TCF12: variants seen among roughly 807,000 people sequenced by gnomAD.
TCF12 encodes DNA-binding protein HTF4.
A neutral mutation model predicts 86.0 loss-of-function variants in TCF12; 45 were observed. The observed-to-expected ratio is 0.52, with a 90% CI of 0.41 to 0.67. The LOEUF (loss-of-function observed/expected upper bound fraction) is 0.67. Ranked by LOEUF, TCF12 falls within the 30% of genes least tolerant of loss-of-function variation. TCF12 has a pLI of 0.00. For synonymous variants in TCF12, 330 were observed against 299.6 expected (o/e 1.10, Z -1.05); for missense variants, 881 against 859.9 (o/e 1.02, Z -0.31).
At chr15:57,143,777 G>C (rs1157640025) in intron 5 of TCF12, among the ~76,000 whole-genome samples, 1 of 152,162 alleles carries the variant, frequency 6.6e-6, no homozygotes, top group Non-Finnish European at 1.5e-5. Context: ...AAGAAAGAGA[G>C]GGAAAAGTCA....
At chr15:56,963,824 G>A (rs763776339) in intron 3 of TCF12, among the ~76,000 whole-genome samples, 5 of 152,216 alleles carry the variant, frequency 3.3e-5, no homozygotes, top group Non-Finnish European at 7.3e-5. Context: ...GTCTCAAGGA[G>A]GAATTGGGGA....
At chr15:56,983,278 G>T (rs781438530) in intron 3 of TCF12, among the ~76,000 whole-genome samples, 1 of 152,162 alleles carries the variant, frequency 6.6e-6, no homozygotes, top group Non-Finnish European at 1.5e-5. Context: ...ATTAGAGAGA[G>T]AAGTTAAAGA....
chr15:57,086,607 G>T (rs2048646452), intron 4 of TCF12, among the ~76,000 whole-genome samples: 1 of 151,338 alleles, frequency 6.6e-6, no homozygotes, highest in Non-Finnish European at 1.5e-5. Flanking sequence ...ACTGCTGTGG[G>T]AGCACAGAAT....
At chr15:57,185,292 A>G (rs1286193910) in intron 6 of TCF12, among the ~76,000 whole-genome samples, 1 of 152,192 alleles carries the variant, frequency 6.6e-6, no homozygotes, top group African/African-American at 2.4e-5. Context: ...TCATGCTCCA[A>G]CATTGTTGAA....
At chr15:56,955,557 TAAATAAATAA>T (rs1185703891) in intron 3 of TCF12, among the ~76,000 whole-genome samples, 6 of 149,762 alleles carry the variant, frequency 4.0e-5, no homozygotes, top group African/African-American at 1.5e-4. Context: ...ATAATAAAAA[TAAATAAATAA>T]AAATAAAAAA....
At chr15:57,249,787 C>A (rs2060023414) in intron 13 of TCF12, among the ~76,000 whole-genome samples, 1 of 152,102 alleles carries the variant, frequency 6.6e-6, no homozygotes, top group Non-Finnish European at 1.5e-5. Context: ...TAATATAATT[C>A]AAATTGTCAC....
rs568655389 is a variant in TCF12 at position 57,267,000 on chromosome 15, G to T, written c.1745+3726G>T. ...GCCATGATCATGCCACTGCATTCTA[G>T]CCTGGCTAACAGAGAGATGCTGTCT... On this transcript the variant is annotated intron_variant, in intron 18 of 20. Transcript: ENST00000333725. Among the ~76,000 whole-genome samples the T allele has an allele frequency of 2.0e-5, 3 of 152,276 alleles. No individual in the cohort carries two copies. In the East Asian group the frequency reaches 5.8e-4, roughly 29 times the overall value.
chr15:57,176,033 A>C (rs1465812249), intron 6 of TCF12, among the ~76,000 whole-genome samples: 1 of 152,096 alleles, frequency 6.6e-6, no homozygotes, highest in Non-Finnish European at 1.5e-5. Flanking sequence ...CTATTGTTTG[A>C]CTGAAATAAA....
intron 3 of TCF12, among the ~76,000 whole-genome samples, chr15:57,008,197 G>A (rs2064588710): frequency 6.6e-6 from 1 of 150,530 alleles, no homozygotes; most frequent in Admixed American, 6.7e-5. Flanking sequence ...TGTACTCCTG[G>A]CATCAAACAT....
intron 5 of TCF12, among the ~76,000 whole-genome samples, chr15:57,102,001 A>T (rs976754980): frequency 6.6e-6 from 1 of 152,256 alleles, no homozygotes; most frequent in Non-Finnish European, 1.5e-5. Context: ...GTGGTCCAGC[A>T]TACCAATATC....
intron 13 of TCF12, among the ~76,000 whole-genome samples, chr15:57,244,137 C>T (rs527483035): frequency 6.6e-6 from 1 of 152,064 alleles, no homozygotes; most frequent in East Asian, 1.9e-4. Context: ...CCTTGGCCCC[C>T]CAAAATGCTG....
intron 8 of TCF12, among the ~76,000 whole-genome samples, chr15:57,223,654 T>TTTGTTTTTTTTTTG (rs1248684058): frequency 0.027 from 3,473 of 129,974 alleles, 100 homozygotes; most frequent in Non-Finnish European, 0.041. Context: ...TTTTTTTTTT[T>TTTGTTTTTTTTTTG]TTTTTTTTTT....
At chr15:57,149,197 A>G (rs182344514) in intron 5 of TCF12, among the ~76,000 whole-genome samples, 2 of 152,354 alleles carry the variant, frequency 1.3e-5, no homozygotes, top group African/African-American at 4.8e-5. Flanking sequence ...AAATTTAATA[A>G]TAGCAATTTT....
chr15:57,192,292 T>C lies in TCF12; in HGVS notation c.525T>C (p.Leu175=), dbSNP rs376857404. The C allele has an allele frequency of 1.7e-5, 28 of 1,613,874 alleles. No individual in the cohort carries two copies. The highest frequency in any genetic ancestry group is 2.2e-5 in the Non-Finnish European group (26 of 1,179,952). ...RRRPLHDSAA[L]DPLQAKKVRK... ...GACCACTCCATGACTCTGCAGCGCT[T>C]GGTGAGTGTATCACACAACAAATCC... is the stretch of plus-strand genomic sequence containing the variant. Residue 175 remains leucine, a splice_region_variant and synonymous_variant, in exon 7 of 21, where the codon CTT becomes CTC. Coordinates refer to ENST00000333725, the MANE Select transcript of TCF12 (RefSeq NM_207037.2).
At chr15:56,923,552 G>C (rs2059883523) in intron 3 of TCF12, among the ~76,000 whole-genome samples, 1 of 152,112 alleles carries the variant, frequency 6.6e-6, no homozygotes, top group Non-Finnish European at 1.5e-5. Flanking sequence ...CTTTCTGTAG[G>C]AGTGAAAGGT....
intron 3 of TCF12, among the ~76,000 whole-genome samples, chr15:56,994,863 A>G (rs2063623957): frequency 6.6e-6 from 1 of 152,156 alleles, no homozygotes. Flanking sequence ...AAAACTTGAC[A>G]TTAGGAATGA....
At chr15:57,090,022 C>G (rs1266704520) in intron 4 of TCF12, among the ~76,000 whole-genome samples, 1 of 152,100 alleles carries the variant, frequency 6.6e-6, no homozygotes, top group African/African-American at 2.4e-5. Flanking sequence ...TGAGACCAAC[C>G]TGGGCAACAT....
At chr15:57,281,094 G>A (rs776169044) in intron 19 of TCF12, among the ~76,000 whole-genome samples, 12 of 141,282 alleles carry the variant, frequency 8.5e-5, no homozygotes, top group Non-Finnish European at 1.7e-4. Flanking sequence ...TCTCACAGTA[G>A]CACCCTATTC....
At chr15:56,936,796 T>C (rs1281378182) in intron 3 of TCF12, among the ~76,000 whole-genome samples, 1 of 152,154 alleles carries the variant, frequency 6.6e-6, no homozygotes, top group Non-Finnish European at 1.5e-5. Context: ...GTATTTGGGT[T>C]TATTTCTGGG....
Sources: allele counts gnomAD v4.1 joint callset (sites outside exome capture counted in the v4.1 genomes callset), GRCh38; gene constraint gnomAD v4.1.1; transcripts MANE v1.5; gene names NCBI Gene and HGNC (gene_info 2026-07-23, HGNC 2026-07-21).